CROCC2: variants seen among roughly 807,000 people sequenced by gnomAD.
CROCC2 encodes the protein ciliary rootlet coiled-coil protein 2.
Under a neutral mutation model 177.6 loss-of-function variants are expected in CROCC2, and 163 were observed. The ratio of observed to expected loss-of-function variants is 0.92; its 90% CI spans 0.81 to 1.05. The LOEUF (loss-of-function observed/expected upper bound fraction) is 1.05, where lower values mean the gene tolerates loss of function less well. Ranked by LOEUF, CROCC2 falls within the 50% of genes least tolerant of loss-of-function variation. The pLI is 0.00. For missense variants in CROCC2, 1,929 were observed against 1,797.8 expected (o/e 1.07, Z -1.32); for synonymous variants, 904 against 787.3 (o/e 1.15, Z -2.48).
intron 21 of CROCC2, chr2:240,964,086 C>T (rs1029891353): frequency 1.3e-5 from 7 of 540,242 alleles, no homozygotes; most frequent in African/African-American, 9.5e-5. Context: ...GGGAGGCCAA[C>T]GGCCTGGCTG....
At chr2:240,916,725 G>GCGC (rs2059323847) in intron 1 of CROCC2, among the ~76,000 whole-genome samples, 1 of 152,240 alleles carries the variant, frequency 6.6e-6, no homozygotes, top group Admixed American at 6.5e-5. Flanking sequence ...TTAGCGGGTG[G>GCGC]CGCCGCCGAT....
chr2:240,930,720 G>T (rs1376977019), intron 6 of CROCC2, among the ~76,000 whole-genome samples: 1 of 152,112 alleles, frequency 6.6e-6, no homozygotes, highest in East Asian at 1.9e-4. Context: ...GGCTGCTGAA[G>T]CCTGAAGTGT....
chr2:240,959,275 C>G, intron 19 of CROCC2, 26 bp from the exon 20 acceptor site: 1 of 1,548,204 alleles, frequency 6.5e-7, no homozygotes, highest in Non-Finnish European at 8.7e-7. Context: ...TCCCTGGTGC[C>G]ACCGTGGGCT....
At chr2:240,989,558 CAAGG>C in intron 29 of CROCC2, 92 bp from the exon 30 acceptor site, 1 of 1,255,572 alleles carries the variant, frequency 8.0e-7, no homozygotes, top group Non-Finnish European at 1.1e-6. Context: ...GTGGGGCCCA[CAAGG>C]ACAGGTGAAA....
intron 15 of CROCC2, among the ~76,000 whole-genome samples, chr2:240,946,855 T>G (rs774182232): frequency 6.6e-6 from 1 of 152,244 alleles, no homozygotes; most frequent in Admixed American, 6.5e-5. Flanking sequence ...AGGCTTGGGC[T>G]GCACACCCAT....
chr2:240,982,860 C>T lies in CROCC2; in HGVS notation c.4402-20C>T. 2 of 1,542,912 alleles carry T rather than the reference C, an allele frequency of 1.3e-6. No individual in the cohort carries two copies. On this transcript the variant is annotated intron_variant, in intron 27 of 31. Coordinates refer to ENST00000690015, the MANE Select transcript of CROCC2 (RefSeq NM_001351305.2). This position sits in a 1 kb window ranked among gnomAD's most constrained non-coding sequence, Gnocchi z 4.7. Reference sequence around the variant, plus strand: ...CACCCCCAGTGTCTCCAGGTGGACCCTGTGTCTCCTTCCCCCCAGGAGCAA... The same window carrying T: ...CACCCCCAGTGTCTCCAGGTGGACCTTGTGTCTCCTTCCCCCCAGGAGCAA...
At chr2:240,988,630 GGGAA>G in intron 28 of CROCC2, 105 bp from the exon 29 acceptor site, 1 of 1,162,984 alleles carries the variant, frequency 8.6e-7, no homozygotes, top group Non-Finnish European at 1.1e-6. Flanking sequence ...CAGCTCTTAG[GGGAA>G]TTCAGAGTCC....
intron 20 of CROCC2, chr2:240,963,182 G>A (rs766631146): frequency 8.7e-6 from 2 of 230,422 alleles, no homozygotes; most frequent in Non-Finnish European, 1.7e-5. Context: ...ACTAGACGCC[G>A]GGGGCAGGAG....
At chr2:240,912,171 C>A (rs554838295) in intron 1 of CROCC2, among the ~76,000 whole-genome samples, 1 of 152,196 alleles carries the variant, frequency 6.6e-6, no homozygotes, top group African/African-American at 2.4e-5. Context: ...TGTTGTTACT[C>A]ATACCACTTT....
At chr2:240,933,890 C>T in intron 11 of CROCC2, 38 bp downstream of exon 11, 1 of 1,522,430 alleles carries the variant, frequency 6.6e-7, no homozygotes, top group East Asian at 2.5e-5. Context: ...GCCCCTCCCA[C>T]AGAAGAGACC....
intron 14 of CROCC2, among the ~76,000 whole-genome samples, chr2:240,941,123 C>T (rs747480514): frequency 1.9e-4 from 29 of 152,136 alleles, no homozygotes; most frequent in Non-Finnish European, 3.5e-4. Flanking sequence ...ATATGCCTAA[C>T]CAAGGATGTG....
chr2:240,959,913 A>C (rs1194450646), intron 20 of CROCC2: 2 of 153,946 alleles, frequency 1.3e-5, no homozygotes, highest in Non-Finnish European at 2.9e-5. Context: ...GGTGCACAGC[A>C]CACCTGCCAG....
At position 240,931,099 on chromosome 2, in the gene CROCC2, G is replaced by A. The variant is rs1030017139; in HGVS notation, c.918G>A (p.Trp306Ter). The change falls in exon 7 of 32, where the codon TGG becomes TGA. Residue 306 changes from tryptophan (W) to a stop codon, truncating the protein, a stop_gained. Transcript: ENST00000690015. LOFTEE classifies it high-confidence loss of function. The stretch of plus-strand genomic sequence containing the variant: ...AGATGCTGCAGCTGCAGGGCCGCTG[G>A]GACGCAGAGAAGGTGGCGCTCCAGG... ...AGEMLQLQGR[W>*]DAEKVALQAR... The A allele has an allele frequency of 2.8e-6, 2 of 714,844 alleles. No homozygotes were observed. The highest frequency in any genetic ancestry group is 3.5e-5 in the African/African-American group (2 of 57,210). 44.3% of individuals were successfully genotyped at this position (714,844 alleles called of 1,614,324 possible).
chr2:240,965,789 G>GGT lies in CROCC2; in HGVS notation c.3761_3762dup (p.Ala1255TrpfsTer139). Reference sequence around the variant, plus strand: ...CACCAGGAAGCTGCAGGAAGCCAGTGGTGTGGCTGATGCTCTCCAGGCTCG... The same window carrying GGT: ...CACCAGGAAGCTGCAGGAAGCCAGTGGTGTGTGGCTGATGCTCTCCAGGCTCG... On this transcript the variant is annotated frameshift_variant, in exon 24 of 32. Coordinates refer to ENST00000690015, the MANE Select transcript of CROCC2 (RefSeq NM_001351305.2). LOFTEE classifies it high-confidence loss of function. 1 of 1,486,570 alleles carries GGT rather than the reference G, an allele frequency of 6.7e-7. No individual in the cohort carries two copies. Among genetic ancestry groups the GGT allele is most frequent in the Non-Finnish European group, 8.9e-7 (1 of 1,117,362 alleles). The allele number at this position is 1,486,570 out of a possible 1,614,324, so 92.1% of individuals were successfully genotyped here.
rs2059864804 is a variant in CROCC2 at position 240,989,737 on chromosome 2, G to A, written c.4767G>A (p.Glu1589=). Residue 1589 remains glutamate (E), a synonymous_variant, in exon 30 of 32, where the codon GAG becomes GAA. Transcript: ENST00000690015. ...AGCACCAGCGGGACCTGGCCACAGA[G>A]GCAGAGCGTCTCCATGGGGCCCGGC... ...TAQHQRDLAT[E]AERLHGARPQ... 6.4e-7 allele frequency: 1 copy of A among 1,550,408 alleles called. No homozygotes were observed. The highest frequency in any genetic ancestry group is 1.4e-5 in the African/African-American group (1 of 73,196).
At chr2:240,910,765 T>C (rs998357136) in intron 1 of CROCC2, among the ~76,000 whole-genome samples, 17 of 152,266 alleles carry the variant, frequency 1.1e-4, no homozygotes, top group African/African-American at 3.9e-4. Context: ...TTTCAGTTTC[T>C]CTGGGTTTGT....
rs1553660764 is a variant in CROCC2, at chr2:240,958,305, G to A, written c.2944-996G>A. ...GGGGCACCCATCACTGGCAGTGTTG[G>A]GGCATGCTGAGGCACAGAGCCATGG... On this transcript the variant is annotated intron_variant, in intron 19 of 31. Coordinates refer to ENST00000690015, the MANE Select transcript of CROCC2 (RefSeq NM_001351305.2). The surrounding 1 kb of genome is among the most constrained non-coding windows in gnomAD (Gnocchi z 6.7). The A allele has an allele frequency of 1.6e-6, 1 of 616,788 alleles. No homozygotes were observed. Among genetic ancestry groups the A allele is most frequent in the Non-Finnish European group, 2.0e-6 (1 of 493,070 alleles). 38.2% of individuals were successfully genotyped at this position (616,788 alleles called of 1,614,324 possible). A position where few individuals can be genotyped will look rare whatever the true frequency, so the allele number is the denominator to read the frequency against.
intron 21 of CROCC2, 172 bp from the exon 22 acceptor site, chr2:240,964,294 G>T (rs2059662186): frequency 1.3e-6 from 1 of 741,654 alleles, no homozygotes; most frequent in Non-Finnish European, 2.2e-6. Context: ...CGGGACCTGG[G>T]TGGACATATG....
intron 19 of CROCC2, chr2:240,959,020 C>T (rs2059612739): frequency 5.3e-6 from 2 of 378,426 alleles, no homozygotes; most frequent in African/African-American, 2.1e-5. Context: ...ATGGGCCCTG[C>T]CCCAGGGCGC....
Sources: allele counts gnomAD v4.1 joint callset (sites outside exome capture counted in the v4.1 genomes callset), GRCh38; gene constraint gnomAD v4.1.1; non-coding constraint Gnocchi (gnomAD v3.1); transcripts MANE v1.5; gene names NCBI Gene and HGNC (gene_info 2026-07-23, HGNC 2026-07-21).